KAZN: variants seen among roughly 807,000 people sequenced by gnomAD.
The protein encoded by KAZN is kazrin.
In KAZN, 40 loss-of-function variants were observed where a neutral mutation model predicts 87.4. The observed-to-expected ratio is 0.46, with a 90% confidence interval of 0.36 to 0.60. KAZN has a LOEUF of 0.60. KAZN is among the 20% of genes least tolerant of loss of function. The probability of loss-of-function intolerance (pLI) is 0.00; values close to 1 mark genes in which losing one functional copy is unlikely to be tolerated. For missense variants in KAZN, 898 were observed against 1,073.9 expected (o/e 0.84, Z 2.29); for synonymous variants, 466 against 458.3 (o/e 1.02, Z -0.22).
At chr1:13,989,285 A>C (rs1182473632) in intron 1 of KAZN, among the ~76,000 whole-genome samples, 1 of 152,096 alleles carries the variant, frequency 6.6e-6, no homozygotes, top group East Asian at 1.9e-4. Flanking sequence ...AACTTTGGGT[A>C]TATGGCAAGC....
rs1662412441 is a variant in KAZN, at chr1:14,951,004, TCA to T, written c.227-9679_227-9678del. On this transcript the variant is annotated intron_variant, in intron 1 of 14. Transcript: ENST00000376030. ...TTTAACTGCATGTTCTCTCTGTGGC[TCA>T]GTTTCTTTTGTAAAATGGGGACATC... 3.9e-5 allele frequency among the ~76,000 whole-genome samples: 6 copies of T among 152,140 alleles called. No individual in the cohort carries two copies. In the South Asian group the frequency reaches 1.2e-3, roughly 32 times the overall value.
chr1:14,826,462 C>A (rs1275849985), intron 1 of KAZN, among the ~76,000 whole-genome samples: 2 of 152,242 alleles, frequency 1.3e-5, no homozygotes, highest in Non-Finnish European at 2.9e-5. Context: ...CACTCTGAGA[C>A]CTCCTGAGAG....
chr1:14,036,390 G>C (rs1441453449), intron 1 of KAZN, among the ~76,000 whole-genome samples: 2 of 152,190 alleles, frequency 1.3e-5, no homozygotes, highest in Non-Finnish European at 2.9e-5. Flanking sequence ...TTCATGTTCT[G>C]CACAGGCCGG....
chr1:14,399,151 G>A (rs1663161000), intron 2 of KAZN, among the ~76,000 whole-genome samples: 1 of 151,980 alleles, frequency 6.6e-6, no homozygotes, highest in African/African-American at 2.4e-5. Context: ...TCAGCCTCCT[G>A]CCATGCCTGG....
At position 14,990,831 on chromosome 1, in the gene KAZN, C is replaced by T. The variant is rs74809802; in HGVS notation, c.418+29956C>T. 3.7e-3 allele frequency among the ~76,000 whole-genome samples: 554 copies of T among 151,376 alleles called. 24 individuals carry two copies. The East Asian group carries it at 0.085, about 23-fold the overall frequency. On this transcript the variant is annotated intron_variant, in intron 2 of 14. Transcript: ENST00000376030. ...ATGACCTCACTTTGAGGCAGGGTCACTGCCAATGTGATGAATTAAGATGAA... is the reference window on the plus strand; with the variant it reads ...ATGACCTCACTTTGAGGCAGGGTCATTGCCAATGTGATGAATTAAGATGAA...
chr1:13,956,372 C>T (rs924094796), intron 1 of KAZN, among the ~76,000 whole-genome samples: 8 of 150,006 alleles, frequency 5.3e-5, no homozygotes, highest in African/African-American at 2.0e-4. Context: ...CCAAGTCTCT[C>T]GGTGGGCTTA....
At chr1:14,520,359 A>T (rs910692321) in intron 2 of KAZN, among the ~76,000 whole-genome samples, 5 of 152,136 alleles carry the variant, frequency 3.3e-5, no homozygotes, top group Middle Eastern at 3.4e-3. Context: ...GCCATGATAG[A>T]CGTAGCAAGC....
At chr1:14,755,387 A>C (rs1644533867) in intron 1 of KAZN, among the ~76,000 whole-genome samples, 2 of 152,194 alleles carry the variant, frequency 1.3e-5, no homozygotes, top group Admixed American at 1.3e-4. Context: ...TATGAGGTAC[A>C]GTCCTAACTC....
chr1:13,925,767 C>A (rs1299591357), intron 1 of KAZN, among the ~76,000 whole-genome samples: 1 of 152,162 alleles, frequency 6.6e-6, no homozygotes, highest in African/African-American at 2.4e-5. Context: ...GGACCATAAG[C>A]ACTAGAGGAC....
chr1:14,903,327 A>T (rs903443744), intron 1 of KAZN, among the ~76,000 whole-genome samples: 1 of 152,194 alleles, frequency 6.6e-6, no homozygotes, highest in Non-Finnish European at 1.5e-5. Flanking sequence ...GCCCGCTTTG[A>T]GCAGTGTCCC....
chr1:14,237,546 C>G (rs1648539892), intron 2 of KAZN, among the ~76,000 whole-genome samples: 1 of 152,128 alleles, frequency 6.6e-6, no homozygotes, highest in South Asian at 2.1e-4. Context: ...CACCCTCTCC[C>G]TGGCAATGAG....
chr1:14,211,941 C>A (rs1646862185), intron 2 of KAZN, among the ~76,000 whole-genome samples: 1 of 152,146 alleles, frequency 6.6e-6, no homozygotes, highest in South Asian at 2.1e-4. Flanking sequence ...GTCCTATCCC[C>A]CAGCCTGGTT....
chr1:14,136,010 GGCTCC>G (rs1234284897), intron 1 of KAZN, among the ~76,000 whole-genome samples: 1 of 152,158 alleles, frequency 6.6e-6, no homozygotes, highest in African/African-American at 2.4e-5. Flanking sequence ...TCTTGTTACT[GGCTCC>G]CAAGCAGTGA....
chr1:14,787,025 T>G (rs141723151), intron 1 of KAZN, among the ~76,000 whole-genome samples: 7 of 152,352 alleles, frequency 4.6e-5, no homozygotes, highest in East Asian at 3.9e-4. Context: ...AGACTTAGAC[T>G]GAATTAGGCA....
chr1:14,755,749 TG>T (rs773029089), intron 1 of KAZN, among the ~76,000 whole-genome samples: 1 of 152,172 alleles, frequency 6.6e-6, no homozygotes, highest in Non-Finnish European at 1.5e-5. Context: ...GGTGCTTTAA[TG>T]ATCACTCAGA....
intron 1 of KAZN, among the ~76,000 whole-genome samples, chr1:14,837,135 G>T (rs1372043453): frequency 1.3e-5 from 2 of 152,088 alleles, no homozygotes; most frequent in Non-Finnish European, 2.9e-5. Context: ...GATCTCATAG[G>T]TAGGCTCTTG....
intron 1 of KAZN, among the ~76,000 whole-genome samples, chr1:14,747,135 A>T (rs1007640837): frequency 3.3e-5 from 5 of 152,316 alleles, no homozygotes; most frequent in East Asian, 1.9e-4. Flanking sequence ...CTCAAGATTC[A>T]TCAGTGCGGT....
At chr1:14,985,971 C>T (rs182956785) in intron 2 of KAZN, among the ~76,000 whole-genome samples, 3 of 145,630 alleles carry the variant, frequency 2.1e-5, no homozygotes, top group Admixed American at 1.4e-4. Context: ...CCACTGCACT[C>T]CAGCCTGGGC....
At chr1:14,145,224 C>T (rs1645320522) in intron 1 of KAZN, among the ~76,000 whole-genome samples, 1 of 152,090 alleles carries the variant, frequency 6.6e-6, no homozygotes, top group Admixed American at 6.5e-5. Context: ...GGGAGAGTCA[C>T]TTGAGCCCAG....
Sources: gnomAD v4.1 joint callset for allele counts (sites outside exome capture counted in the v4.1 genomes callset) on GRCh38, gnomAD v4.1.1 for gene constraint, MANE v1.5 for transcripts, NCBI Gene and HGNC (gene_info 2026-07-23, HGNC 2026-07-21) for gene names.